The following SNTG1 variants were observed in gnomAD, a reference collection of about 807,000 sequenced individuals.
The protein encoded by SNTG1 is gamma-1-syntrophin.
In SNTG1, 39 loss-of-function variants were observed where a neutral mutation model predicts 74.7. That is an observed-to-expected ratio of 0.52 (90% CI 0.40 to 0.68). The LOEUF is 0.68. Ranked by LOEUF, SNTG1 falls within the 30% of genes least tolerant of loss-of-function variation. The pLI is 0.00. For synonymous variants in SNTG1, 254 were observed against 217.1 expected, an observed-to-expected ratio of 1.17 and a Z score of -1.49; for missense variants, 685 against 609.5, an observed-to-expected ratio of 1.12 and a Z score of -1.30.
chr8:50,625,882 G>T (rs1488305565), intron 13 of SNTG1, among the ~76,000 whole-genome samples: 1 of 152,162 alleles, frequency 6.6e-6, no homozygotes, highest in Non-Finnish European at 1.5e-5. Context: ...ATAGAGATAA[G>T]AGTACATATT....
chr8:50,462,401 C>T (rs1420038755), intron 8 of SNTG1, among the ~76,000 whole-genome samples: 2 of 136,906 alleles, frequency 1.5e-5, no homozygotes, highest in East Asian at 4.5e-4. Context: ...TAGAGTTTGC[C>T]TCAATGTTGA....
intron 1 of SNTG1, among the ~76,000 whole-genome samples, chr8:50,156,611 A>G (rs2082263281): frequency 1.3e-5 from 2 of 152,098 alleles, no homozygotes; most frequent in Non-Finnish European, 2.9e-5. Flanking sequence ...GGATATGTGC[A>G]TGTATTTCCT....
chr8:50,602,330 T>G (rs1010061905), intron 13 of SNTG1, among the ~76,000 whole-genome samples: 2 of 152,156 alleles, frequency 1.3e-5, no homozygotes, highest in Non-Finnish European at 2.9e-5. Context: ...TAGAGTATCT[T>G]AAAACTCGTA....
At chr8:50,062,225 T>A (rs999626815) in intron 1 of SNTG1, among the ~76,000 whole-genome samples, 11 of 152,020 alleles carry the variant, frequency 7.2e-5, no homozygotes, top group Non-Finnish European at 1.5e-4. Context: ...TGTATTTTTT[T>A]AAATAGAGAC....
At chr8:50,247,326 T>G (rs748640598) in intron 2 of SNTG1, among the ~76,000 whole-genome samples, 1 of 152,172 alleles carries the variant, frequency 6.6e-6, no homozygotes. Flanking sequence ...CCACCCAAGT[T>G]TCACCATAAA....
At chr8:50,784,613 C>G (rs1050899979) in intron 18 of SNTG1, among the ~76,000 whole-genome samples, 1 of 152,150 alleles carries the variant, frequency 6.6e-6, no homozygotes, top group Non-Finnish European at 1.5e-5. Flanking sequence ...CCCACTGTAA[C>G]TAATGGGTAG....
At chr8:50,539,642 C>T (rs1370037945) in intron 11 of SNTG1, among the ~76,000 whole-genome samples, 3 of 152,186 alleles carry the variant, frequency 2.0e-5, no homozygotes, top group Admixed American at 2.0e-4. Flanking sequence ...CTTGTCCCAT[C>T]TCCCACAAGC....
At chr8:49,996,233 A>G (rs1215148018) in intron 1 of SNTG1, among the ~76,000 whole-genome samples, 1 of 152,102 alleles carries the variant, frequency 6.6e-6, no homozygotes, top group Non-Finnish European at 1.5e-5. Flanking sequence ...TTCTGAGATG[A>G]TATGATTTTT....
At chr8:50,523,774 C>T (rs1259768471) in intron 9 of SNTG1, among the ~76,000 whole-genome samples, 1 of 152,068 alleles carries the variant, frequency 6.6e-6, no homozygotes, top group East Asian at 1.9e-4. Context: ...ACAAAGTGAC[C>T]ACAAGCTATT....
intron 1 of SNTG1, among the ~76,000 whole-genome samples, chr8:49,982,633 A>G (rs2130165113): frequency 7.9e-6 from 1 of 126,600 alleles, no homozygotes; most frequent in Admixed American, 7.3e-5. Context: ...TGAGCCCAAA[A>G]CAGTGTGTGT....
intron 2 of SNTG1, among the ~76,000 whole-genome samples, chr8:50,309,581 A>G (rs1265309328): frequency 8.5e-5 from 13 of 152,186 alleles, no homozygotes; most frequent in African/African-American, 3.1e-4. Context: ...GGGCAAATTG[A>G]TTGTATCTTT....
At chr8:50,782,439 C>T (rs1474709545) in intron 18 of SNTG1, among the ~76,000 whole-genome samples, 1 of 152,158 alleles carries the variant, frequency 6.6e-6, no homozygotes, top group African/African-American at 2.4e-5. Context: ...TTCCTTCTCA[C>T]TTCATTTCAT....
chr8:50,175,846 T>C (rs1032488413), intron 2 of SNTG1, among the ~76,000 whole-genome samples: 7 of 152,202 alleles, frequency 4.6e-5, no homozygotes, highest in African/African-American at 1.7e-4. Context: ...GCCGTCCTCT[T>C]TCTTAAATAT....
At chr8:50,312,362 G>A (rs1476602571) in intron 2 of SNTG1, among the ~76,000 whole-genome samples, 4 of 152,064 alleles carry the variant, frequency 2.6e-5, no homozygotes, top group African/African-American at 9.7e-5. Context: ...TGGCCCCAAC[G>A]AAAGATAGCT....
chr8:50,053,114 A>T (rs1390625256), intron 1 of SNTG1, among the ~76,000 whole-genome samples: 1 of 152,186 alleles, frequency 6.6e-6, no homozygotes. Flanking sequence ...ACATTAACAG[A>T]AATGCTTTTA....
At chr8:50,291,174 C>T (rs898041806) in intron 2 of SNTG1, among the ~76,000 whole-genome samples, 27 of 152,028 alleles carry the variant, frequency 1.8e-4, no homozygotes, top group East Asian at 1.9e-4. Context: ...AAGGTCTCTC[C>T]TCAAACATCT....
At chr8:50,174,775 TATGTATAC>T (rs2082934486) in intron 2 of SNTG1, among the ~76,000 whole-genome samples, 1 of 152,110 alleles carries the variant, frequency 6.6e-6, no homozygotes, top group African/African-American at 2.4e-5. Context: ...GTTTGTTACA[TATGTATAC>T]ATGTGCCATG....
intron 2 of SNTG1, chr8:50,382,320 T>C (rs1243745387): frequency 6.6e-6 from 1 of 152,158 alleles, no homozygotes; most frequent in Non-Finnish European, 1.5e-5. Context: ...AAATATCTAG[T>C]ATATATTATA....
At chr8:50,669,838 C>T (rs1166956754) in intron 15 of SNTG1, among the ~76,000 whole-genome samples, 1 of 152,120 alleles carries the variant, frequency 6.6e-6, no homozygotes, top group East Asian at 1.9e-4. Context: ...AAAAGCTTAT[C>T]CACCATGATC....
Sources: gnomAD v4.1 joint callset for allele counts (sites outside exome capture counted in the v4.1 genomes callset) on GRCh38, gnomAD v4.1.1 for gene constraint, MANE v1.5 for transcripts, NCBI Gene and HGNC (gene_info 2026-07-23, HGNC 2026-07-21) for gene names.